The following ZDHHC6 variants were observed in gnomAD, a reference collection of about 807,000 sequenced individuals.
ZDHHC6 encodes palmitoyltransferase ZDHHC6.
Under a neutral mutation model 57.8 loss-of-function variants are expected in ZDHHC6, and 32 were observed. The observed-to-expected ratio is 0.55, with a 90% CI of 0.42 to 0.74. ZDHHC6 has a LOEUF of 0.74. Among genes scored for constraint, ZDHHC6 ranks in the 30% least tolerant of loss-of-function variants. ZDHHC6 has a pLI of 0.00. For synonymous variants in ZDHHC6, 128 were observed against 158.0 expected (o/e 0.81, Z 1.42); for missense variants, 433 against 500.7 (o/e 0.86, Z 1.29).
chr10:112,438,255 G>T lies in ZDHHC6; in HGVS notation c.735+81C>A, dbSNP rs568707865. Reference sequence around the variant, plus strand: ...TTTTCGTTAATCCGGTCTAATAACAGACTTTATTAATATTCAGGACTTTAC... The same window carrying T: ...TTTTCGTTAATCCGGTCTAATAACATACTTTATTAATATTCAGGACTTTAC... On this transcript the variant is annotated intron_variant, in intron 6 of 10. Transcript: ENST00000369405. 2.5e-5 allele frequency: 25 copies of T among 997,838 alleles called. No homozygotes were observed. The South Asian group carries it at 6.8e-4, about 27-fold the overall frequency. The allele number at this position is 997,838 out of a possible 1,614,324, so 61.8% of individuals were successfully genotyped here.
At chr10:112,435,562 CA>C (rs1298034818) in intron 6 of ZDHHC6, among the ~76,000 whole-genome samples, 1 of 152,122 alleles carries the variant, frequency 6.6e-6, no homozygotes, top group Non-Finnish European at 1.5e-5. Context: ...ATTTGATTAT[CA>C]GGGGACAATG....
At chr10:112,429,394 CCCT>C (rs770345121), downstream of ZDHHC6, among the ~76,000 whole-genome samples, 7 of 152,120 alleles carry the variant, frequency 4.6e-5, no homozygotes, top group Non-Finnish European at 1.0e-4. Flanking sequence ...ATGACTTGTC[CCCT>C]CATCTGCTTC....
intron 3 of ZDHHC6, among the ~76,000 whole-genome samples, chr10:112,442,981 T>G (rs1564768090): frequency 6.6e-6 from 1 of 152,252 alleles, no homozygotes. Context: ...AATCAGTGAT[T>G]ATAGCTGTTC....
At chr10:112,427,965 C>T (rs2133705803), downstream of ZDHHC6, 1 of 154,224 alleles carries the variant, frequency 6.5e-6, no homozygotes, top group South Asian at 2.1e-4. Flanking sequence ...TCATACCAAA[C>T]ATTTCCTAAA....
downstream of ZDHHC6, among the ~76,000 whole-genome samples, chr10:112,426,074 TG>T (rs1227410436): frequency 4.8e-5 from 5 of 104,420 alleles, no homozygotes; most frequent in African/African-American, 1.5e-4. Flanking sequence ...AGATATTGAG[TG>T]GGAAAATGGG....
chr10:112,425,466 C>T (rs187908905), downstream of ZDHHC6: 99 of 1,611,218 alleles, frequency 6.1e-5, no homozygotes, highest in Middle Eastern at 6.6e-4. Flanking sequence ...TTTTTGTACA[C>T]GGGGAGAGCT....
downstream of ZDHHC6, among the ~76,000 whole-genome samples, chr10:112,425,878 G>A (rs1266048858): frequency 1.3e-5 from 2 of 152,102 alleles, no homozygotes; most frequent in Non-Finnish European, 2.9e-5. Flanking sequence ...ACAAACTGTT[G>A]TTTTATACAT....
intron 4 of ZDHHC6, among the ~76,000 whole-genome samples, chr10:112,441,124 C>T (rs994925402): frequency 3.3e-5 from 5 of 152,170 alleles, no homozygotes; most frequent in Non-Finnish European, 7.3e-5. Flanking sequence ...GGATTACAGG[C>T]GTGAGCCACT....
chr10:112,429,931 C>T (rs899151331), downstream of ZDHHC6, among the ~76,000 whole-genome samples: 11 of 123,690 alleles, frequency 8.9e-5, no homozygotes, highest in East Asian at 2.8e-4. Flanking sequence ...TGCTCCAGAG[C>T]GAGTGCCAGG....
chr10:112,446,363 A>G (rs6421364), intron 1 of ZDHHC6, among the ~76,000 whole-genome samples: 33,796 of 152,098 alleles, frequency 0.22, 4,066 homozygotes, highest in Non-Finnish European at 0.25. Flanking sequence ...ATTCGAGGGA[A>G]GAAAGAAGAG....
Position 112,446,905 on chromosome 10 carries a change from C to A in ZDHHC6, c.-415G>T. ...GAGCACCTCTCGGCCAGCGCCCTCG[C>A]CAGGACTCTCCCGCTCAGGCCCCCT... On this transcript the variant is annotated 5_prime_UTR_variant, in exon 1 of 11. Transcript: ENST00000369405. 5.1e-6 allele frequency: 1 copy of A among 195,444 alleles called. No individual in the cohort carries two copies. The highest frequency in any genetic ancestry group is 1.1e-5 in the Non-Finnish European group (1 of 92,034). The allele number at this position is 195,444 out of a possible 1,614,324, so 12.1% of individuals were successfully genotyped here.
At position 112,435,812 on chromosome 10, in the gene ZDHHC6, A is replaced by G. The variant is rs1028537850; in HGVS notation, c.736-1348T>C. 2.6e-5 allele frequency among the ~76,000 whole-genome samples: 4 copies of G among 152,232 alleles called. No homozygotes were observed. The South Asian group carries it at 8.3e-4, about 31-fold the overall frequency. ...ACAAAGAAAAACTGGTAAATATAAG[A>G]GAATTTATAAAATGACTAAGACATG... On this transcript the variant is annotated intron_variant, in intron 6 of 10. Coordinates refer to ENST00000369405, the MANE Select transcript of ZDHHC6 (RefSeq NM_022494.3).
At chr10:112,435,048 T>C (rs971436493) in intron 6 of ZDHHC6, among the ~76,000 whole-genome samples, 10 of 152,336 alleles carry the variant, frequency 6.6e-5, no homozygotes, top group South Asian at 2.1e-4. Context: ...GGAGATCTTC[T>C]TTCTTTTTTT....
downstream of ZDHHC6, among the ~76,000 whole-genome samples, chr10:112,429,488 A>T (rs561650725): frequency 2.9e-4 from 44 of 152,190 alleles, no homozygotes; most frequent in Non-Finnish European, 5.6e-4. Context: ...CTGTCTGTTC[A>T]CTGCTGAATT....
At chr10:112,426,221 C>T, downstream of ZDHHC6, 1 of 1,551,476 alleles carries the variant, frequency 6.4e-7, no homozygotes, top group Non-Finnish European at 8.9e-7. Flanking sequence ...TACATAACTT[C>T]TCTCATGCCC....
chr10:112,442,401 T>A, intron 3 of ZDHHC6, 50 bp from the exon 4 acceptor site: 1 of 1,556,788 alleles, frequency 6.4e-7, no homozygotes, highest in South Asian at 1.2e-5. Flanking sequence ...CCTGTCTACT[T>A]TAAATAACTT....
At chr10:112,426,936 A>G, downstream of ZDHHC6, 1 of 1,236,452 alleles carries the variant, frequency 8.1e-7, no homozygotes. Context: ...TGAGGTTTAA[A>G]TGTATAATTT....
rs1180145234 is a variant in ZDHHC6, at chr10:112,432,467, C to G, written c.1000G>C (p.Gly334Arg). ...GGACTTGTGAAGAAGGTTTTGATTC[C>G]TTTATTCAGAGGGCAGCAGGCACCA... ...YSGACCPLNK[G>R]IKTFFTSPCT... Residue 334 changes from glycine (G) to arginine (R), a missense_variant, in exon 9 of 11, where the codon GGA becomes CGA. Coordinates refer to ENST00000369405, the MANE Select transcript of ZDHHC6 (RefSeq NM_022494.3). 6.2e-7 allele frequency: 1 copy of G among 1,614,100 alleles called. No homozygotes were observed.
chr10:112,427,329 G>A, downstream of ZDHHC6: 1 of 1,613,592 alleles, frequency 6.2e-7, no homozygotes. Context: ...GACCCAAATT[G>A]ACAGCCTGTA....
Sources: allele counts gnomAD v4.1 joint callset (sites outside exome capture counted in the v4.1 genomes callset), GRCh38; gene constraint gnomAD v4.1.1; transcripts MANE v1.5; gene names NCBI Gene and HGNC (gene_info 2026-07-23, HGNC 2026-07-21).